The following CACNA1A variants were observed in gnomAD, a reference collection of about 807,000 sequenced individuals.
The protein encoded by CACNA1A is calcium voltage-gated channel subunit alpha1 A, also known as voltage-dependent P/Q-type calcium channel subunit alpha-1A.
Under a neutral mutation model 262.4 loss-of-function variants are expected in CACNA1A, and 57 were observed. That is an observed-to-expected ratio of 0.22 (90% confidence interval 0.18 to 0.27). The LOEUF is 0.27. Among genes scored for constraint, CACNA1A ranks in the 10% least tolerant of loss-of-function variants. The probability of loss-of-function intolerance (pLI) is 1.00; values close to 1 mark genes in which losing one functional copy is unlikely to be tolerated. For synonymous variants in CACNA1A, 1,431 were observed against 1,419.3 expected (o/e 1.01, Z -0.18); for missense variants, 2,526 against 3,562.8 (o/e 0.71, Z 7.41).
Position 13,298,787 on chromosome 19 carries a change from G to A in CACNA1A, c.2846C>T (p.Thr949Met), listed in dbSNP as rs1241124662. 3.9e-6 allele frequency: 6 copies of A among 1,539,780 alleles called. No individual in the cohort carries two copies. The highest frequency in any genetic ancestry group is 2.1e-4 in the Middle Eastern group (1 of 4,846). The change falls in exon 19 of 47, where the codon ACG (threonine) becomes ATG (methionine). Residue 949 changes from threonine to methionine, a missense_variant. By Grantham distance (81) the Thr-to-Met change is moderately conservative. Coordinates refer to ENST00000360228, the MANE Select transcript of CACNA1A (RefSeq NM_001127222.2). ...SRESRSGSPR[T>M]GADGEHRRHR... ...ACGTCGATGCTCCCCGTCCGCGCCC[G>A]TGCGCGGGGACCCGCTGCGGCTCTC...
intron 6 of CACNA1A, among the ~76,000 whole-genome samples, chr19:13,349,027 A>AAAAG (rs541410353): frequency 3.6e-5 from 5 of 137,820 alleles, no homozygotes; most frequent in South Asian, 2.3e-4. Flanking sequence ...AAAAAAAAAA[A>AAAAG]AGAGAGACAA....
At chr19:13,306,364 T>G (rs1161516450) in intron 15 of CACNA1A, among the ~76,000 whole-genome samples, 1 of 152,096 alleles carries the variant, frequency 6.6e-6, no homozygotes, top group Non-Finnish European at 1.5e-5. Context: ...ATGGGTGTAT[T>G]AGCCATTTTT....
chr19:13,506,171 C>G lies in CACNA1A; in HGVS notation c.54G>C (p.Gly18=). ...MPARYGGGGS[G]AAAGVVVGSG... ...TGCCCACGACCACCCCGGCGGCTGC[C>G]CCGGAGCCTCCTCCCCCGTAGCGGG... Residue 18 remains glycine, a synonymous_variant, in exon 1 of 47, where the codon GGG becomes GGC. Coordinates refer to ENST00000360228, the MANE Select transcript of CACNA1A (RefSeq NM_001127222.2). 6.5e-7 allele frequency: 1 copy of G among 1,534,200 alleles called. No homozygotes were observed. The highest frequency in any genetic ancestry group is 8.8e-7 in the Non-Finnish European group (1 of 1,141,330).
Position 13,298,502 on chromosome 19 carries a change from A to G in CACNA1A, c.3089+42T>C, listed in dbSNP as rs2057716469. The G allele has an allele frequency of 1.0e-5, 15 of 1,482,516 alleles. No individual in the cohort carries two copies. In the East Asian group the frequency reaches 3.7e-4, roughly 37 times the overall value. 91.8% of individuals were successfully genotyped at this position (1,482,516 alleles called of 1,614,324 possible). On this transcript the variant is annotated intron_variant, in intron 19 of 46. Transcript: ENST00000360228. ...GCTACTTTGGCTGTTGTCATTATTA[A>G]TGTTACCGTCATTCTGCGGATTCGA...
chr19:13,432,321 T>C (rs990683243), intron 3 of CACNA1A, among the ~76,000 whole-genome samples: 11 of 147,646 alleles, frequency 7.5e-5, no homozygotes, highest in African/African-American at 2.7e-4. Context: ...AGGCTGAGGC[T>C]GGAGAATCGC....
chr19:13,280,614 T>C (rs959073818), intron 22 of CACNA1A, among the ~76,000 whole-genome samples: 3 of 152,074 alleles, frequency 2.0e-5, no homozygotes, highest in African/African-American at 7.2e-5. Context: ...ACACATCCCA[T>C]GCCACACAGT....
intron 3 of CACNA1A, among the ~76,000 whole-genome samples, chr19:13,397,440 T>A (rs575733583): frequency 1.3e-5 from 2 of 152,270 alleles, no homozygotes; most frequent in African/African-American, 4.8e-5. Context: ...AAGATAGGAA[T>A]GTCCCTTAAA....
chr19:13,402,277 C>G (rs947456832), intron 3 of CACNA1A, among the ~76,000 whole-genome samples: 5 of 152,180 alleles, frequency 3.3e-5, no homozygotes, highest in Non-Finnish European at 5.9e-5. Flanking sequence ...TAGTAAAGAT[C>G]TTTGATACAG....
In CACNA1A at chr19:13,207,634, C is replaced by A; in HGVS notation, c.7200G>T (p.Gly2400=). Residue 2400 remains glycine, a synonymous_variant, in exon 47 of 47, where the codon GGG becomes GGT. Transcript: ENST00000360228. This position sits in a 1 kb window ranked among gnomAD's most constrained non-coding sequence, Gnocchi z 5.7. ...AGCCATGGTGCCGGGGACCCGGGGG[C>A]CCCTCGGACACGTGCGGGCCAGATG... ...WPASGPHVSE[G]PPGPRHHGYY... 1.4e-6 allele frequency: 2 copies of A among 1,477,722 alleles called. No homozygotes were observed. The highest frequency in any genetic ancestry group is 1.8e-6 in the Non-Finnish European group (2 of 1,114,964). 91.5% of individuals were successfully genotyped at this position (1,477,722 alleles called of 1,614,324 possible). A position where few individuals can be genotyped will look rare whatever the true frequency, so the allele number is the denominator to read the frequency against.
intron 19 of CACNA1A, among the ~76,000 whole-genome samples, chr19:13,297,964 G>C (rs2057700258): frequency 6.6e-6 from 1 of 151,986 alleles, no homozygotes; most frequent in Admixed American, 6.6e-5. Flanking sequence ...CTGAGTAGTG[G>C]GAATACAGGT....
chr19:13,367,721 C>T (rs960437497), intron 4 of CACNA1A, among the ~76,000 whole-genome samples: 1 of 151,810 alleles, frequency 6.6e-6, no homozygotes, highest in African/African-American at 2.4e-5. Context: ...GTGCGAGATT[C>T]CATCTCAAAA....
chr19:13,235,065 G>T, intron 33 of CACNA1A, 29 bp from the exon 34 acceptor site: 1 of 1,571,326 alleles, frequency 6.4e-7, no homozygotes, highest in South Asian at 1.1e-5. Flanking sequence ...ACGACCAGGG[G>T]CTGCCATTCC....
At chr19:13,447,342 C>A (rs985937142) in intron 3 of CACNA1A, among the ~76,000 whole-genome samples, 5 of 152,306 alleles carry the variant, frequency 3.3e-5, no homozygotes, top group African/African-American at 1.2e-4. Flanking sequence ...TCTCTTCCAT[C>A]AGATGACAGG....
intron 3 of CACNA1A, among the ~76,000 whole-genome samples, chr19:13,432,428 T>TAAATAAAC (rs2060525626): frequency 6.7e-6 from 1 of 148,416 alleles, no homozygotes. Context: ...AATAAATAAA[T>TAAATAAAC]AAATAAATAA....
intron 24 of CACNA1A, chr19:13,263,403 A>C (rs1244883733): frequency 6.5e-6 from 1 of 154,800 alleles, no homozygotes; most frequent in Non-Finnish European, 1.4e-5. Flanking sequence ...TCCTGAGCTC[A>C]AGCAATCTGC....
In CACNA1A at chr19:13,286,715, G is replaced by A. The variant is rs1472402483; in HGVS notation, c.3341C>T (p.Thr1114Ile). The A allele has an allele frequency of 6.3e-7, 1 of 1,593,774 alleles. No homozygotes were observed. Among genetic ancestry groups the A allele is most frequent in the Admixed American group, 1.7e-5 (1 of 58,430 alleles). The change falls in exon 20 of 47, where the codon ACC becomes ATC. Residue 1114 changes from threonine (T) to isoleucine (I), a missense_variant. Physicochemically the swap from Thr to Ile is moderately conservative, Grantham distance 89. Coordinates refer to ENST00000360228, the MANE Select transcript of CACNA1A (RefSeq NM_001127222.2). ...GPMLAIPAMA[T>I]NPQNAASRRT... is the part of the protein sequence containing the mutation. ...GCGGCTGGCGGCGTTCTGGGGGTTG[G>A]TGGCCATGGCAGGGATGGCCAGCAT...
intron 30 of CACNA1A, among the ~76,000 whole-genome samples, chr19:13,248,680 T>C (rs1017462593): frequency 2.0e-5 from 3 of 151,906 alleles, no homozygotes; most frequent in Admixed American, 6.6e-5. Flanking sequence ...CCGTCTCTGC[T>C]AAAAATACAA....
intron 6 of CACNA1A, among the ~76,000 whole-genome samples, chr19:13,351,977 T>G (rs2058919453): frequency 6.6e-6 from 1 of 152,150 alleles, no homozygotes; most frequent in Non-Finnish European, 1.5e-5. Flanking sequence ...AATCAATCAA[T>G]GATTTATTTT....
At chr19:13,344,500 C>G (rs2058728505) in intron 6 of CACNA1A, among the ~76,000 whole-genome samples, 3 of 152,124 alleles carry the variant, frequency 2.0e-5, no homozygotes, top group Admixed American at 2.0e-4. Flanking sequence ...CTTGCCCCTT[C>G]CTGCAGCTCA....
Sources: gnomAD v4.1 joint callset for allele counts (sites outside exome capture counted in the v4.1 genomes callset) on GRCh38, gnomAD v4.1.1 for gene constraint, Gnocchi (gnomAD v3.1) non-coding constraint, MANE v1.5 for transcripts, NCBI Gene and HGNC (gene_info 2026-07-23, HGNC 2026-07-21) for gene names.